AMMECR1: variants seen among roughly 807,000 people sequenced by gnomAD.
AMMECR1 encodes the protein nuclear protein AMMECR1.
AMMECR1 carries 3 observed loss-of-function variants against 22.5 expected under a neutral mutation model. That is an observed-to-expected ratio of 0.13 (90% CI 0.06 to 0.35). AMMECR1 has a LOEUF of 0.35. Among genes scored for constraint, AMMECR1 ranks in the 10% least tolerant of loss-of-function variants. The probability of loss-of-function intolerance (pLI) is 1.00; values close to 1 mark genes in which losing one functional copy is unlikely to be tolerated. For missense variants in AMMECR1, 235 were observed against 278.7 expected, an observed-to-expected ratio of 0.84 and a Z score of 1.12; for synonymous variants, 130 against 116.7, an observed-to-expected ratio of 1.11 and a Z score of -0.74.
chrX:110,365,553 T>G (rs1308985001), intron 2 of AMMECR1, among the ~76,000 whole-genome samples: 1 of 111,946 alleles, frequency 8.9e-6, no homozygotes, highest in African/African-American at 3.3e-5. Flanking sequence ...ACATAATAAC[T>G]TTTGGGGAGA....
chrX:110,251,839 T>C (rs1421374928), intron 2 of AMMECR1, among the ~76,000 whole-genome samples: 1 of 112,120 alleles, frequency 8.9e-6, no homozygotes, highest in Non-Finnish European at 1.9e-5. Flanking sequence ...GGGTCACTGG[T>C]TTATTTACTG....
chrX:110,282,172 A>G (rs1253754158), intron 1 of AMMECR1, among the ~76,000 whole-genome samples: 7 of 111,821 alleles, frequency 6.3e-5, no homozygotes, highest in African/African-American at 1.3e-4. Context: ...TCTTAGGAAC[A>G]TAAACATCTC....
chrX:110,201,136 A>G (rs2067395096), intron 4 of AMMECR1, 86 bp from the exon 5 acceptor site: 1 of 551,229 alleles, frequency 1.8e-6, no homozygotes, highest in Non-Finnish European at 2.9e-6. Context: ...TGTAGAGGTC[A>G]GCTATCACTG....
intron 2 of AMMECR1, among the ~76,000 whole-genome samples, chrX:110,230,645 C>T (rs754734677): frequency 1.2e-3 from 130 of 112,080 alleles, no homozygotes; most frequent in Middle Eastern, 4.6e-3. Context: ...CACAGCTCCT[C>T]ACCAGCAACG....
chrX:110,355,482 GA>G (rs934603325), intron 2 of AMMECR1, among the ~76,000 whole-genome samples: 2 of 111,201 alleles, frequency 1.8e-5, no homozygotes, highest in African/African-American at 6.5e-5. Flanking sequence ...ACAGATATGT[GA>G]AAAAAAATGC....
chrX:110,222,047 G>A (rs1465418134), intron 2 of AMMECR1, among the ~76,000 whole-genome samples: 9 of 109,921 alleles, frequency 8.2e-5, no homozygotes, highest in Non-Finnish European at 1.5e-4. Context: ...GCGATTCCTC[G>A]GGGATCTAGA....
At chrX:110,382,204 A>G (rs1288731179) in intron 2 of AMMECR1, among the ~76,000 whole-genome samples, 3 of 111,572 alleles carry the variant, frequency 2.7e-5, no homozygotes, top group Non-Finnish European at 3.8e-5. Context: ...GGAAAAAAAC[A>G]GAGGAAACAA....
At chrX:110,326,791 G>A (rs1040259691) in intron 2 of AMMECR1, among the ~76,000 whole-genome samples, 3 of 112,017 alleles carry the variant, frequency 2.7e-5, no homozygotes, top group Non-Finnish European at 3.8e-5. Flanking sequence ...TGTAATGCAG[G>A]AGAACAGAGC....
chrX:110,395,592 G>A (rs1421362155), intron 2 of AMMECR1, among the ~76,000 whole-genome samples: 3 of 112,405 alleles, frequency 2.7e-5, no homozygotes, highest in African/African-American at 6.5e-5. Context: ...TGGTAAAGCC[G>A]GGACTGAAAT....
chrX:110,431,486 T>G (rs2068796318), intron 1 of AMMECR1, among the ~76,000 whole-genome samples: 1 of 110,138 alleles, frequency 9.1e-6, no homozygotes, highest in Admixed American at 9.7e-5. Flanking sequence ...GGGTTTTTCT[T>G]TATATAAACA....
chrX:110,344,648 G>GA (rs761051831), intron 2 of AMMECR1, among the ~76,000 whole-genome samples: 1 of 110,653 alleles, frequency 9.0e-6, no homozygotes, highest in Non-Finnish European at 1.9e-5. Flanking sequence ...AAATTCACAA[G>GA]AAAAAAACAA....
At chrX:110,398,698 T>TTA (rs1213640000) in intron 2 of AMMECR1, among the ~76,000 whole-genome samples, 1 of 112,120 alleles carries the variant, frequency 8.9e-6, no homozygotes, top group Non-Finnish European at 1.9e-5. Flanking sequence ...TTCCGACTCA[T>TTA]TATATTGGAA....
chrX:110,424,751 G>A (rs1350482716), intron 2 of AMMECR1, among the ~76,000 whole-genome samples: 4 of 111,849 alleles, frequency 3.6e-5, no homozygotes, highest in Non-Finnish European at 7.5e-5. Flanking sequence ...TAAAATGTTT[G>A]AAAGAGGCAG....
chrX:110,300,258 G>T (rs750559953), intron 1 of AMMECR1, among the ~76,000 whole-genome samples: 1 of 112,037 alleles, frequency 8.9e-6, no homozygotes, highest in South Asian at 3.7e-4. Context: ...TTGTGGTTTT[G>T]ACTTGCATTT....
At chrX:110,413,826 T>C (rs1265728808) in intron 2 of AMMECR1, among the ~76,000 whole-genome samples, 1 of 111,543 alleles carries the variant, frequency 9.0e-6, no homozygotes, top group Non-Finnish European at 1.9e-5. Context: ...TGGAACATGA[T>C]GATGATGATG....
At chrX:110,308,806 C>T (rs1286245279) in intron 1 of AMMECR1, among the ~76,000 whole-genome samples, 1 of 110,412 alleles carries the variant, frequency 9.1e-6, no homozygotes, top group Non-Finnish European at 1.9e-5. Flanking sequence ...CATAGGGAAA[C>T]TCATGAATTG....
intron 2 of AMMECR1, among the ~76,000 whole-genome samples, chrX:110,344,681 A>G (rs2068180741): frequency 9.0e-6 from 1 of 111,474 alleles, no homozygotes. Flanking sequence ...AAAAGTGGGC[A>G]AAGGATATGA....
intron 2 of AMMECR1, among the ~76,000 whole-genome samples, chrX:110,363,510 T>C (rs981688143): frequency 8.9e-6 from 1 of 112,120 alleles, no homozygotes; most frequent in Non-Finnish European, 1.9e-5. Flanking sequence ...AACACAACTG[T>C]AGCCTTGGAA....
chrX:110,438,309 G>A (rs370725768), intron 1 of AMMECR1, among the ~76,000 whole-genome samples: 17 of 111,809 alleles, frequency 1.5e-4, no homozygotes, highest in Admixed American at 1.0e-3. Flanking sequence ...CCTTGGGAGC[G>A]GATGGAGAGA....
Sources: gnomAD v4.1 joint callset for allele counts (sites outside exome capture counted in the v4.1 genomes callset) on GRCh38, gnomAD v4.1.1 for gene constraint, MANE v1.5 for transcripts, NCBI Gene and HGNC (gene_info 2026-07-23, HGNC 2026-07-21) for gene names.